The following GOSR2 variants were observed in gnomAD, a reference collection of about 807,000 sequenced individuals.
The protein encoded by GOSR2 is 27 kDa Golgi SNARE protein.
Under a neutral mutation model 27.9 loss-of-function variants are expected in GOSR2, and 20 were observed. That is an observed-to-expected ratio of 0.72 (90% CI 0.50 to 1.04). The LOEUF is 1.04. Among genes scored for constraint, GOSR2 ranks in the 50% least tolerant of loss-of-function variants. The pLI is 0.00. For synonymous variants in GOSR2, 91 were observed against 98.8 expected, an observed-to-expected ratio of 0.92 and a Z score of 0.47; for missense variants, 261 against 270.5, an observed-to-expected ratio of 0.97 and a Z score of 0.25.
intron 3 of GOSR2, chr17:46,931,644 C>A (rs1378406248): frequency 7.9e-6 from 2 of 251,688 alleles, no homozygotes; most frequent in Non-Finnish European, 7.2e-6. Context: ...AAAATGAAAC[C>A]ACCCTTGCCA....
rs1323958163 is a variant in GOSR2 at position 46,931,224 on chromosome 17, G to T, written c.203+17G>T. 7.8e-6 allele frequency: 9 copies of T among 1,149,078 alleles called. No individual in the cohort carries two copies. Among genetic ancestry groups the T allele is most frequent in the Non-Finnish European group, 9.3e-6 (7 of 755,108 alleles). 71.2% of individuals were successfully genotyped at this position (1,149,078 alleles called of 1,614,324 possible). Reference sequence around the variant, plus strand: ...TGCCAGACTGTAAGTGCTGACCTCTGACATGGCTCTGATACTCCAGGCCCA... The same window carrying T: ...TGCCAGACTGTAAGTGCTGACCTCTTACATGGCTCTGATACTCCAGGCCCA... On this transcript the variant is annotated intron_variant, in intron 3 of 5. Transcript: ENST00000640051.
At chr17:46,952,036 G>T (rs2090394687) in intron 6 of GOSR2, among the ~76,000 whole-genome samples, 1 of 152,158 alleles carries the variant, frequency 6.6e-6, no homozygotes, top group Non-Finnish European at 1.5e-5. Context: ...TTGCATCAGG[G>T]AGAGGGGGAG....
chr17:46,969,135 C>A (rs560105356), downstream of GOSR2, among the ~76,000 whole-genome samples: 5 of 152,324 alleles, frequency 3.3e-5, no homozygotes, highest in Admixed American at 6.5e-5. Context: ...GCTCTGGCTC[C>A]CCTCCACTCT....
intron 1 of GOSR2, among the ~76,000 whole-genome samples, chr17:46,928,941 A>C (rs2086900521): frequency 6.6e-6 from 1 of 151,736 alleles, no homozygotes; most frequent in African/African-American, 2.4e-5. Context: ...TGCCTGTGAC[A>C]CCACTGTGCA....
chr17:46,924,143 C>T, intron 1 of GOSR2: 2 of 321,280 alleles, frequency 6.2e-6, no homozygotes, highest in Non-Finnish European at 5.6e-6. Flanking sequence ...TTCCAGAACA[C>T]CTAGTAACCT....
At chr17:46,935,712 A>G (rs2088202870) in intron 5 of GOSR2, 1 of 987,600 alleles carries the variant, frequency 1.0e-6, no homozygotes, top group African/African-American at 1.8e-5. Flanking sequence ...GATCCCAGCG[A>G]CTCTTCACTC....
intron 1 of GOSR2, among the ~76,000 whole-genome samples, chr17:46,928,560 G>A (rs950166551): frequency 1.3e-5 from 2 of 152,158 alleles, no homozygotes; most frequent in African/African-American, 4.8e-5. Context: ...TGGCCAGACC[G>A]TGGGAAGCCT....
At chr17:46,957,345 G>A (rs182854481) in intron 6 of GOSR2, among the ~76,000 whole-genome samples, 1 of 152,170 alleles carries the variant, frequency 6.6e-6, no homozygotes, top group African/African-American at 2.4e-5. Flanking sequence ...AAGCGCTGTG[G>A]CTCACGCCTG....
chr17:46,950,391 A>G (rs1599154223), intron 6 of GOSR2, among the ~76,000 whole-genome samples: 2 of 152,324 alleles, frequency 1.3e-5, no homozygotes, highest in South Asian at 4.2e-4. Context: ...GAGGGAAAAG[A>G]AGGAGATGGA....
intron 6 of GOSR2, chr17:46,966,470 C>T (rs2091325401): frequency 1.5e-6 from 1 of 646,466 alleles, no homozygotes; most frequent in Non-Finnish European, 2.8e-6. Context: ...ATCTCAGCCT[C>T]CAGGGTAGTT....
chr17:46,951,236 G>A (rs2090321008), intron 6 of GOSR2, among the ~76,000 whole-genome samples: 1 of 152,214 alleles, frequency 6.6e-6, no homozygotes, highest in Non-Finnish European at 1.5e-5. Context: ...GGCTGGAACG[G>A]CGGGTTCCAG....
Position 46,929,544 on chromosome 17 carries a change from C to T in GOSR2, c.54C>T (p.Cys18=), listed in dbSNP as rs777583712. 5 of 1,568,310 alleles carry T rather than the reference C, an allele frequency of 3.2e-6. No homozygotes were observed. The highest frequency in any genetic ancestry group is 3.5e-6 in the Non-Finnish European group (4 of 1,138,418). ...GGCAGGTCCACGAGATCCAGTCTTG[C>T]ATGGGACGCCTGGAGACGGCAGACA... is the stretch of plus-strand genomic sequence containing the variant. ...THKQVHEIQS[C]MGRLETADKQ... is the part of the protein sequence containing the mutation. The change falls in exon 2 of 6, where the codon TGC becomes TGT. Residue 18 remains cysteine (C), a synonymous_variant. Transcript: ENST00000640051.
At chr17:46,961,240 G>A (rs1460653308) in intron 6 of GOSR2, among the ~76,000 whole-genome samples, 1 of 152,118 alleles carries the variant, frequency 6.6e-6, no homozygotes, top group African/African-American at 2.4e-5. Context: ...TTTCAAACTA[G>A]TAGAGACTAT....
intron 6 of GOSR2, among the ~76,000 whole-genome samples, chr17:46,957,613 AAAACAAAC>A (rs143887393): frequency 1.7e-4 from 25 of 151,402 alleles, no homozygotes; most frequent in Non-Finnish European, 2.1e-4. Context: ...ACTTGGTCTC[AAAACAAAC>A]AAACAAACAA....
At chr17:46,951,433 C>T (rs905628965) in intron 6 of GOSR2, among the ~76,000 whole-genome samples, 3 of 152,188 alleles carry the variant, frequency 2.0e-5, no homozygotes, top group South Asian at 2.1e-4. Flanking sequence ...GCCCAGCTGC[C>T]GCGCCAGCCC....
intron 6 of GOSR2, among the ~76,000 whole-genome samples, chr17:46,955,091 G>T (rs1390079665): frequency 6.6e-6 from 1 of 152,032 alleles, no homozygotes; most frequent in Non-Finnish European, 1.5e-5. Context: ...CCTGTCTTGT[G>T]CCAGTTTTCA....
chr17:46,970,325 G>A (rs2091378204), downstream of GOSR2, among the ~76,000 whole-genome samples: 1 of 152,104 alleles, frequency 6.6e-6, no homozygotes, highest in African/African-American at 2.4e-5. Flanking sequence ...TGGATCACCT[G>A]AGGTCAGGAG....
At chr17:46,947,438 G>A (rs925891947) in intron 6 of GOSR2, among the ~76,000 whole-genome samples, 1 of 152,216 alleles carries the variant, frequency 6.6e-6, no homozygotes, top group Non-Finnish European at 1.5e-5. Flanking sequence ...CACCTTCAGA[G>A]CTCCCTACAA....
intron 5 of GOSR2, chr17:46,936,965 T>TAA (rs78020254): frequency 4.2e-4 from 83 of 196,274 alleles, no homozygotes; most frequent in Non-Finnish European, 5.0e-4. Flanking sequence ...GTGTATTTAT[T>TAA]AAAAAAAAAA....
Sources: gnomAD v4.1 joint callset for allele counts (sites outside exome capture counted in the v4.1 genomes callset) on GRCh38, gnomAD v4.1.1 for gene constraint, MANE v1.5 for transcripts, NCBI Gene and HGNC (gene_info 2026-07-23, HGNC 2026-07-21) for gene names.